ACER3: variants seen among roughly 807,000 people sequenced by gnomAD.
ACER3 encodes the protein alkCDase 3.
ACER3 carries 16 observed loss-of-function variants against 48.9 expected under a neutral mutation model. The observed-to-expected ratio is 0.33, with a 90% CI of 0.22 to 0.50. The LOEUF (loss-of-function observed/expected upper bound fraction) is 0.50, where lower values mean the gene tolerates loss of function less well. Among genes scored for constraint, ACER3 ranks in the 20% least tolerant of loss-of-function variants. ACER3 has a pLI of 0.98. For missense variants in ACER3, 227 were observed against 326.0 expected, an observed-to-expected ratio of 0.70 and a Z score of 2.34; for synonymous variants, 109 against 107.8, an observed-to-expected ratio of 1.01 and a Z score of -0.07.
intron 4 of ACER3, among the ~76,000 whole-genome samples, chr11:76,979,840 T>TA (rs11373313): frequency 0.28 from 41,959 of 149,926 alleles, 8,444 homozygotes; most frequent in African/African-American, 0.57. Flanking sequence ...AACATTTTAT[T>TA]AAAAAAAAAA....
intron 6 of ACER3, 178 bp from the exon 7 acceptor site, chr11:76,998,585 C>A: frequency 1.9e-6 from 1 of 517,708 alleles, no homozygotes; most frequent in Non-Finnish European, 3.3e-6. Context: ...CTTAACTTTT[C>A]CTCAGAAGTT....
intron 9 of ACER3, among the ~76,000 whole-genome samples, chr11:77,018,960 A>G (rs1949422788): frequency 6.6e-6 from 1 of 152,260 alleles, no homozygotes; most frequent in Admixed American, 6.5e-5. Context: ...ACACTAAACA[A>G]CAGAGTTTCA....
intron 3 of ACER3, among the ~76,000 whole-genome samples, chr11:76,969,130 A>G (rs1485699211): frequency 2.0e-5 from 3 of 152,108 alleles, no homozygotes; most frequent in African/African-American, 2.4e-5. Flanking sequence ...AAAAGTGGGC[A>G]AAGGATATGA....
chr11:77,013,984 T>G (rs1414561140), intron 7 of ACER3, among the ~76,000 whole-genome samples: 3 of 152,236 alleles, frequency 2.0e-5, no homozygotes, highest in African/African-American at 7.2e-5. Flanking sequence ...TATGGTATGA[T>G]TCCATTTATA....
intron 1 of ACER3, among the ~76,000 whole-genome samples, chr11:76,883,725 G>A (rs1345796979): frequency 2.6e-5 from 4 of 152,106 alleles, no homozygotes; most frequent in East Asian, 3.9e-4. Flanking sequence ...TTACAGGTGT[G>A]AGCCACTGTG....
chr11:76,883,680 A>G (rs1047470578), intron 1 of ACER3, among the ~76,000 whole-genome samples: 4 of 151,958 alleles, frequency 2.6e-5, no homozygotes, highest in Non-Finnish European at 5.9e-5. Context: ...CCTGACCTCA[A>G]GTGATCCACC....
chr11:76,982,179 T>C (rs147253359), intron 4 of ACER3, among the ~76,000 whole-genome samples: 62 of 152,172 alleles, frequency 4.1e-4, no homozygotes, highest in African/African-American at 1.5e-3. Context: ...GTATGTGTTA[T>C]ATTAAGAACT....
At chr11:77,010,006 T>C (rs1332318600) in intron 7 of ACER3, among the ~76,000 whole-genome samples, 1 of 151,888 alleles carries the variant, frequency 6.6e-6, no homozygotes, top group African/African-American at 2.4e-5. Context: ...ATTAAAGAGG[T>C]ATATTGTCAG....
intron 2 of ACER3, 74 bp downstream of exon 2, chr11:76,926,741 G>T: frequency 9.8e-7 from 1 of 1,017,518 alleles, no homozygotes. Flanking sequence ...TTCTAAAAGC[G>T]GTTTTCAATT....
At chr11:76,899,360 T>C (rs1486358692) in intron 1 of ACER3, among the ~76,000 whole-genome samples, 1 of 152,218 alleles carries the variant, frequency 6.6e-6, no homozygotes, top group Non-Finnish European at 1.5e-5. Context: ...TTCTGACATT[T>C]TATTAGTTTT....
chr11:76,930,451 G>T (rs1430686465), intron 2 of ACER3, among the ~76,000 whole-genome samples: 2 of 151,744 alleles, frequency 1.3e-5, no homozygotes, highest in Admixed American at 1.3e-4. Flanking sequence ...AGGGTTTTTT[G>T]TGTCTCTATC....
chr11:76,878,812 T>C (rs1423343552), intron 1 of ACER3, among the ~76,000 whole-genome samples: 3 of 152,092 alleles, frequency 2.0e-5, no homozygotes, highest in African/African-American at 4.8e-5. Flanking sequence ...GTGCTCCACA[T>C]CCCCAACAAT....
chr11:76,913,800 A>G (rs577314829), intron 1 of ACER3, among the ~76,000 whole-genome samples: 19 of 152,320 alleles, frequency 1.2e-4, no homozygotes, highest in Admixed American at 3.9e-4. Flanking sequence ...TTCAAACTAT[A>G]CTACAAGGCC....
At chr11:76,914,904 G>A (rs1946482221) in intron 1 of ACER3, among the ~76,000 whole-genome samples, 1 of 152,154 alleles carries the variant, frequency 6.6e-6, no homozygotes, top group South Asian at 2.1e-4. Flanking sequence ...GTAGGGACAT[G>A]GATGAAGCTG....
intron 2 of ACER3, among the ~76,000 whole-genome samples, chr11:76,931,994 G>A (rs1202684767): frequency 6.8e-6 from 1 of 147,532 alleles, no homozygotes; most frequent in African/African-American, 2.5e-5. Context: ...TGTCACCCAG[G>A]CTGGAGTGTA....
chr11:76,894,749 A>C (rs1381447888), intron 1 of ACER3, among the ~76,000 whole-genome samples: 2 of 152,240 alleles, frequency 1.3e-5, no homozygotes, highest in African/African-American at 4.8e-5. Context: ...TGGATATTTG[A>C]AAGGACTGAA....
intron 8 of ACER3, 44 bp from the exon 9 acceptor site, chr11:77,016,631 A>C (rs1949374955): frequency 9.2e-7 from 1 of 1,085,858 alleles, no homozygotes; most frequent in Non-Finnish European, 1.4e-6. Flanking sequence ...TAGTCGCTAA[A>C]TATTTTAAAA....
At chr11:77,016,890 T>C (rs1245361768) in intron 9 of ACER3, 111 bp downstream of exon 9, 1 of 569,050 alleles carries the variant, frequency 1.8e-6, no homozygotes, top group East Asian at 3.1e-5. Flanking sequence ...TTCACAAACA[T>C]GAAAATTAAA....
intron 2 of ACER3, among the ~76,000 whole-genome samples, chr11:76,946,380 C>G (rs1397118573): frequency 6.6e-6 from 1 of 152,192 alleles, no homozygotes; most frequent in Non-Finnish European, 1.5e-5. Flanking sequence ...CTCAGTTTCA[C>G]AGCAGTCTGT....
Sources: allele counts gnomAD v4.1 joint callset (sites outside exome capture counted in the v4.1 genomes callset), GRCh38; gene constraint gnomAD v4.1.1; transcripts MANE v1.5; gene names NCBI Gene and HGNC (gene_info 2026-07-23, HGNC 2026-07-21).